TRPC1: variants seen among roughly 807,000 people sequenced by gnomAD.
TRPC1 encodes the protein short transient receptor potential channel 1.
Under a neutral mutation model 88.2 loss-of-function variants are expected in TRPC1, and 42 were observed. The observed-to-expected ratio is 0.48, with a 90% CI of 0.37 to 0.62. The LOEUF is 0.62. Among genes scored for constraint, TRPC1 ranks in the 20% least tolerant of loss-of-function variants. TRPC1 has a pLI of 0.00. For synonymous variants in TRPC1, 288 were observed against 331.8 expected (o/e 0.87, Z 1.43); for missense variants, 699 against 957.3 (o/e 0.73, Z 3.56).
chr3:142,774,883 T>C (rs1935707256), intron 4 of TRPC1, among the ~76,000 whole-genome samples: 1 of 152,206 alleles, frequency 6.6e-6, no homozygotes, highest in Non-Finnish European at 1.5e-5. Flanking sequence ...CTAATACAAA[T>C]GGTTACCAAT....
At chr3:142,785,277 T>G (rs1023294681) in intron 7 of TRPC1, 7 of 346,402 alleles carry the variant, frequency 2.0e-5, no homozygotes, top group African/African-American at 1.5e-4. Flanking sequence ...ATACATGGAA[T>G]TTTAAAATTA....
chr3:142,804,759 AC>A (rs1330280259), intron 12 of TRPC1, 129 bp downstream of exon 12: 8 of 711,120 alleles, frequency 1.1e-5, no homozygotes, highest in Non-Finnish European at 1.8e-5. Flanking sequence ...ACTGCTATAT[AC>A]CCTAATGTAC....
At chr3:142,737,319 C>T (rs1007058611) in intron 2 of TRPC1, among the ~76,000 whole-genome samples, 1 of 98,276 alleles carries the variant, frequency 1.0e-5, no homozygotes, top group Admixed American at 1.0e-4. Context: ...ATGTACATTG[C>T]TATTTTATAT....
chr3:142,757,244 T>C (rs1368693739), intron 4 of TRPC1, among the ~76,000 whole-genome samples: 8 of 152,022 alleles, frequency 5.3e-5, no homozygotes, highest in Admixed American at 5.2e-4. Context: ...TATATATATA[T>C]GTATCTAATA....
At chr3:142,727,924 GT>G (rs1933750028) in intron 1 of TRPC1, among the ~76,000 whole-genome samples, 1 of 151,900 alleles carries the variant, frequency 6.6e-6, no homozygotes, top group African/African-American at 2.4e-5. Context: ...AGGAGAAAGG[GT>G]AAATAAGTTT....
At chr3:142,750,168 A>C (rs928439883) in intron 4 of TRPC1, among the ~76,000 whole-genome samples, 1 of 152,230 alleles carries the variant, frequency 6.6e-6, no homozygotes, top group Non-Finnish European at 1.5e-5. Flanking sequence ...TTTGCTATCT[A>C]TCCATCTGAC....
At chr3:142,766,242 G>A (rs1935383693) in intron 4 of TRPC1, among the ~76,000 whole-genome samples, 2 of 152,212 alleles carry the variant, frequency 1.3e-5, no homozygotes, top group South Asian at 4.2e-4. Flanking sequence ...TGAGGGTGTT[G>A]CCAAAGGAGA....
At chr3:142,782,583 C>G (rs968586946) in intron 6 of TRPC1, among the ~76,000 whole-genome samples, 9 of 152,196 alleles carry the variant, frequency 5.9e-5, no homozygotes, top group African/African-American at 2.2e-4. Flanking sequence ...TGATTTTTCT[C>G]TGCTTCTCCG....
chr3:142,737,422 A>G (rs1030949136), intron 2 of TRPC1, among the ~76,000 whole-genome samples: 3 of 151,940 alleles, frequency 2.0e-5, no homozygotes, highest in Non-Finnish European at 4.4e-5. Context: ...AGAATTGCTT[A>G]CCCAGCAACT....
At chr3:142,780,335 T>G (rs1247030442) in intron 5 of TRPC1, among the ~76,000 whole-genome samples, 1 of 152,178 alleles carries the variant, frequency 6.6e-6, no homozygotes, top group South Asian at 2.1e-4. Context: ...ATGAGCACTT[T>G]AAATATGAAT....
chr3:142,738,465 A>T lies in TRPC1; in HGVS notation c.327+1932A>T, dbSNP rs534971543. Among the ~76,000 whole-genome samples the T allele has an allele frequency of 2.3e-4, 35 of 152,346 alleles. 1 individual carries two copies. The highest frequency in any genetic ancestry group is 1.9e-3 in the Admixed American group (29 of 15,302). On this transcript the variant is annotated intron_variant, in intron 2 of 12. Coordinates refer to ENST00000476941, the MANE Select transcript of TRPC1 (RefSeq NM_001251845.2). ...TATTTGGTAAGTGTTGAGTGGTAAT[A>T]ATATTTGACCATTTTATATTGCTTT...
chr3:142,798,221 C>A (rs1440809963), intron 9 of TRPC1, among the ~76,000 whole-genome samples: 1 of 152,076 alleles, frequency 6.6e-6, no homozygotes, highest in Non-Finnish European at 1.5e-5. Context: ...TAAGGCCCAG[C>A]TCACACAGTG....
At position 142,736,748 on chromosome 3, in the gene TRPC1, A is replaced by G. The variant is rs1440617941; in HGVS notation, c.327+215A>G. ...AACCAAAAAAAACTTTTTGAAAAGT[A>G]TAATATTTTGAATTGATTTATCTTT... is the stretch of plus-strand genomic sequence containing the variant. On this transcript the variant is annotated intron_variant, in intron 2 of 12. Transcript: ENST00000476941. Among the ~76,000 whole-genome samples, 103 of 152,150 alleles carry G rather than the reference A, an allele frequency of 6.8e-4. 2 individuals carry two copies. The highest frequency in any genetic ancestry group is 5.9e-5 in the Non-Finnish European group (4 of 68,018).
chr3:142,797,824 A>G (rs1936499748), intron 9 of TRPC1, among the ~76,000 whole-genome samples: 1 of 152,132 alleles, frequency 6.6e-6, no homozygotes, highest in Admixed American at 6.6e-5. Flanking sequence ...GAAAAATAAT[A>G]TAAGAAAACT....
At chr3:142,736,255 TTTTC>T (rs1441842419) in intron 1 of TRPC1, 120 bp from the exon 2 acceptor site, 82 of 657,912 alleles carry the variant, frequency 1.2e-4, no homozygotes, top group Non-Finnish European at 1.9e-4. Context: ...TCTGTGTACA[TTTTC>T]TTATACAAAA....
intron 2 of TRPC1, among the ~76,000 whole-genome samples, chr3:142,739,433 C>T (rs1051095819): frequency 3.3e-5 from 5 of 152,112 alleles, no homozygotes; most frequent in Non-Finnish European, 7.3e-5. Context: ...TACTCTCAAA[C>T]ATGTAAAGAC....
At chr3:142,760,238 T>G (rs1935137632) in intron 4 of TRPC1, among the ~76,000 whole-genome samples, 1 of 152,204 alleles carries the variant, frequency 6.6e-6, no homozygotes, top group Non-Finnish European at 1.5e-5. Context: ...TTAATCAGTT[T>G]TGATTTAATT....
intron 4 of TRPC1, among the ~76,000 whole-genome samples, chr3:142,750,733 C>T (rs1934732369): frequency 6.6e-6 from 1 of 151,992 alleles, no homozygotes; most frequent in African/African-American, 2.4e-5. Context: ...TACTATGCAG[C>T]CATAAAAAAG....
At position 142,792,368 on chromosome 3, in the gene TRPC1, T is replaced by G. The variant is rs1936318316; in HGVS notation, c.1438-456T>G. Among the ~76,000 whole-genome samples, 1 of 152,008 alleles carries G rather than the reference T, an allele frequency of 6.6e-6. No homozygotes were observed. The highest frequency in any genetic ancestry group is 1.9e-4 in the East Asian group (1 of 5,190). ...AGGCAATGGGGACAATTGACCACTG[T>G]GTCTAGGTACAATAATGCCCTCTTT... On this transcript the variant is annotated intron_variant, in intron 8 of 12. Coordinates refer to ENST00000476941, the MANE Select transcript of TRPC1 (RefSeq NM_001251845.2). The surrounding 1 kb of genome is among the most constrained non-coding windows in gnomAD (Gnocchi z 4.0).
Sources: gnomAD v4.1 joint callset for allele counts (sites outside exome capture counted in the v4.1 genomes callset) on GRCh38, gnomAD v4.1.1 for gene constraint, Gnocchi (gnomAD v3.1) non-coding constraint, MANE v1.5 for transcripts, NCBI Gene and HGNC (gene_info 2026-07-23, HGNC 2026-07-21) for gene names.